TXLNG: variants seen among roughly 807,000 people sequenced by gnomAD.
TXLNG encodes gamma-taxilin.
A neutral mutation model predicts 38.8 loss-of-function variants in TXLNG; 5 were observed. That is an observed-to-expected ratio of 0.13 (90% CI 0.07 to 0.27). The LOEUF (loss-of-function observed/expected upper bound fraction) is 0.27. TXLNG is among the 10% of genes least tolerant of loss of function. The pLI, the probability that TXLNG is intolerant of heterozygous loss-of-function variation, is 1.00. For missense variants in TXLNG, 393 were observed against 398.2 expected (o/e 0.99, Z 0.11); for synonymous variants, 182 against 158.2 (o/e 1.15, Z -1.13).
intron 1 of TXLNG, among the ~76,000 whole-genome samples, chrX:16,803,951 C>CA (rs1270931132): frequency 1.9e-5 from 2 of 104,903 alleles, no homozygotes; most frequent in African/African-American, 3.5e-5. Context: ...GACTCTGTCT[C>CA]AAAAAAAAAG....
At chrX:16,813,494 A>T (rs1192352309) in intron 1 of TXLNG, among the ~76,000 whole-genome samples, 1 of 109,386 alleles carries the variant, frequency 9.1e-6, no homozygotes, top group Non-Finnish European at 1.9e-5. Context: ...TTAAAAAAAA[A>T]AAAATGAGCC....
chrX:16,828,503 C>T (rs1412503326), intron 4 of TXLNG, among the ~76,000 whole-genome samples: 2 of 111,937 alleles, frequency 1.8e-5, no homozygotes, highest in East Asian at 2.8e-4. Flanking sequence ...ACTTGGCTCC[C>T]GGGAATCTAC....
At chrX:16,824,148 C>T (rs960949189) in intron 3 of TXLNG, among the ~76,000 whole-genome samples, 1 of 111,982 alleles carries the variant, frequency 8.9e-6, no homozygotes, top group East Asian at 2.8e-4. Flanking sequence ...AGCAGGATTG[C>T]TTACAATCAG....
At chrX:16,799,726 G>A (rs1370064814) in intron 1 of TXLNG, among the ~76,000 whole-genome samples, 1 of 110,398 alleles carries the variant, frequency 9.1e-6, no homozygotes, top group African/African-American at 3.3e-5. Flanking sequence ...AACCGAGATC[G>A]CGCCACTGAA....
At chrX:16,822,877 A>G (rs1311315772) in intron 3 of TXLNG, among the ~76,000 whole-genome samples, 1 of 111,825 alleles carries the variant, frequency 8.9e-6, no homozygotes, top group African/African-American at 3.3e-5. Context: ...TCTGCATTTT[A>G]ACAAATGCCC....
intron 4 of TXLNG, among the ~76,000 whole-genome samples, chrX:16,829,203 G>A (rs113000420): frequency 0.039 from 4,312 of 111,528 alleles, 87 homozygotes; most frequent in Non-Finnish European, 0.062. Context: ...TTGAGATGAG[G>A]ATTCCATTTG....
At position 16,843,809 on chromosome X, in the gene TXLNG, T is replaced by C. The variant is rs1420184617; in HGVS notation, c.*2043T>C. Reference sequence around the variant, plus strand: ...TTACTTTGTATTTTTAGCTAGATGCTATTATAGTGTTGAAAGGATATGGAT... The same window carrying C: ...TTACTTTGTATTTTTAGCTAGATGCCATTATAGTGTTGAAAGGATATGGAT... On this transcript the variant is annotated 3_prime_UTR_variant, in exon 10 of 10. Coordinates refer to ENST00000380122, the MANE Select transcript of TXLNG (RefSeq NM_018360.3). 2 of 111,917 alleles carry C rather than the reference T, an allele frequency of 1.8e-5. No individual in the cohort carries two copies. Among genetic ancestry groups the C allele is most frequent in the Non-Finnish European group, 3.8e-5 (2 of 53,230 alleles). 9.2% of individuals were successfully genotyped at this position (111,917 alleles called of 1,213,427 possible).
At chrX:16,795,695 C>G (rs1483109578) in intron 1 of TXLNG, among the ~76,000 whole-genome samples, 2 of 112,253 alleles carry the variant, frequency 1.8e-5, no homozygotes, top group Non-Finnish European at 3.8e-5. Flanking sequence ...CTAGAACTTA[C>G]CCTGCCTCCA....
At chrX:16,806,684 G>A (rs1432015133) in intron 1 of TXLNG, among the ~76,000 whole-genome samples, 1 of 110,783 alleles carries the variant, frequency 9.0e-6, no homozygotes, top group Non-Finnish European at 1.9e-5. Flanking sequence ...TTGGGAGGCC[G>A]AGGCCAGTGG....
chrX:16,840,191 A>G (rs1013187441), intron 9 of TXLNG, among the ~76,000 whole-genome samples: 2 of 112,139 alleles, frequency 1.8e-5, no homozygotes, highest in African/African-American at 6.5e-5. Context: ...TAAAACATCT[A>G]GATTTTGCTT....
chrX:16,791,398 C>T (rs908964937), intron 1 of TXLNG, among the ~76,000 whole-genome samples: 1 of 111,319 alleles, frequency 9.0e-6, no homozygotes, highest in Non-Finnish European at 1.9e-5. Flanking sequence ...CTTCTGCTTA[C>T]ACCATTGTTT....
intron 1 of TXLNG, among the ~76,000 whole-genome samples, chrX:16,793,909 A>T (rs1051099044): frequency 9.0e-6 from 1 of 111,424 alleles, no homozygotes; most frequent in Non-Finnish European, 1.9e-5. Flanking sequence ...TTGGCCTCCC[A>T]AACTGCTGGG....
chrX:16,805,007 T>TTTTTTTTTTG (rs1162642529), intron 1 of TXLNG, among the ~76,000 whole-genome samples: 817 of 38,719 alleles, frequency 0.021, 223 homozygotes, highest in Non-Finnish European at 0.036. Context: ...TTTTTTTTTT[T>TTTTTTTTTTG]GAGAGACAGA....
In TXLNG at chrX:16,786,868, G is replaced by A. The variant is rs1039470994; in HGVS notation, c.102+279G>A. 7.2e-5 allele frequency among the ~76,000 whole-genome samples: 8 copies of A among 110,665 alleles called. No homozygotes were observed. In the South Asian group the frequency reaches 3.0e-3, roughly 42 times the overall value. ...CGCGGTTCTAAGGGAGAAGGGGTGC[G>A]AGGCGGGGGTGCGCCAGGTGTGACA... On this transcript the variant is annotated intron_variant, in intron 1 of 9. Coordinates refer to ENST00000380122, the MANE Select transcript of TXLNG (RefSeq NM_018360.3).
intron 6 of TXLNG, 32 bp downstream of exon 6, chrX:16,832,774 A>G: frequency 8.6e-7 from 1 of 1,159,410 alleles, no homozygotes; most frequent in Non-Finnish European, 1.1e-6. Context: ...CAAAGACATT[A>G]TTGCCAACAT....
chrX:16,841,992 A>G lies in TXLNG; in HGVS notation c.*226A>G. The G allele has an allele frequency of 2.5e-6, 1 of 395,116 alleles. No individual in the cohort carries two copies. The highest frequency in any genetic ancestry group is 4.4e-6 in the Non-Finnish European group (1 of 229,081). 32.6% of individuals were successfully genotyped at this position (395,116 alleles called of 1,213,427 possible). A position where few individuals can be genotyped will look rare whatever the true frequency, so the allele number is the denominator to read the frequency against. Reference sequence around the variant, plus strand: ...TGCACATCAGCCTCGTTCTCCCTCCACTGGAATGCATGTGTTCATTGCCTT... The same window carrying G: ...TGCACATCAGCCTCGTTCTCCCTCCGCTGGAATGCATGTGTTCATTGCCTT... On this transcript the variant is annotated 3_prime_UTR_variant, in exon 10 of 10. Coordinates refer to ENST00000380122, the MANE Select transcript of TXLNG (RefSeq NM_018360.3).
intron 1 of TXLNG, among the ~76,000 whole-genome samples, chrX:16,808,143 C>G (rs952286976): frequency 2.7e-5 from 3 of 111,282 alleles, no homozygotes; most frequent in African/African-American, 6.5e-5. Context: ...AGGAAGATTG[C>G]GAAATATATC....
chrX:16,832,751 T>C lies in TXLNG; in HGVS notation c.984+9T>C, dbSNP rs1386114567. The C allele has an allele frequency of 8.5e-7, 1 of 1,176,816 alleles. No individual in the cohort carries two copies. Among genetic ancestry groups the C allele is most frequent in the Non-Finnish European group, 1.1e-6 (1 of 881,631 alleles). Reference sequence around the variant, plus strand: ...AGAGAGAGAGAGAGTTTGTAAGTTCTACTTCTTAAAAACAAAGACATTATT... The same window carrying C: ...AGAGAGAGAGAGAGTTTGTAAGTTCCACTTCTTAAAAACAAAGACATTATT... On this transcript the variant is annotated intron_variant, in intron 6 of 9. Transcript: ENST00000380122.
At chrX:16,804,985 CTTTTTTTTTT>C (rs35314233) in intron 1 of TXLNG, among the ~76,000 whole-genome samples, 1 of 2,129 alleles carries the variant, frequency 4.7e-4, no homozygotes, top group African/African-American at 1.7e-3. Flanking sequence ...CCCCCCCCCG[CTTTTTTTTTT>C]TTTTTTTTTT....
Sources: allele counts gnomAD v4.1 joint callset (sites outside exome capture counted in the v4.1 genomes callset), GRCh38; gene constraint gnomAD v4.1.1; transcripts MANE v1.5; gene names NCBI Gene and HGNC (gene_info 2026-07-23, HGNC 2026-07-21).